SH3BGRL: variants seen among roughly 807,000 people sequenced by gnomAD.
The protein encoded by SH3BGRL is adapter SH3BGRL.
Under a neutral mutation model 9.8 loss-of-function variants are expected in SH3BGRL, and 7 were observed. The ratio of observed to expected loss-of-function variants is 0.72; its 90% CI spans 0.41 to 1.35. SH3BGRL has a LOEUF of 1.35. Among genes scored for constraint, SH3BGRL ranks in the 40% most tolerant of loss-of-function variants. SH3BGRL has a pLI of 0.01. For synonymous variants in SH3BGRL, 36 were observed against 29.1 expected (o/e 1.24, Z -0.76); for missense variants, 73 against 84.4 (o/e 0.86, Z 0.53).
At chrX:81,266,379 A>T (rs1369513348) in intron 1 of SH3BGRL, among the ~76,000 whole-genome samples, 1 of 111,667 alleles carries the variant, frequency 9.0e-6, no homozygotes, top group Non-Finnish European at 1.9e-5. Flanking sequence ...TTTTGTATAC[A>T]GTGTAAGGAA....
chrX:81,296,961 C>T (rs1482421444), intron 3 of SH3BGRL, among the ~76,000 whole-genome samples: 1 of 111,495 alleles, frequency 9.0e-6, no homozygotes, highest in Non-Finnish European at 1.9e-5. Flanking sequence ...ATATCACTTG[C>T]TTTCATGAAA....
At chrX:81,212,677 A>G (rs1285395989) in intron 1 of SH3BGRL, among the ~76,000 whole-genome samples, 1 of 111,301 alleles carries the variant, frequency 9.0e-6, no homozygotes, top group East Asian at 2.8e-4. Context: ...TGCATATCTC[A>G]CTTGGGATTT....
At chrX:81,259,344 CTA>C (rs2075734367) in intron 1 of SH3BGRL, among the ~76,000 whole-genome samples, 1 of 112,003 alleles carries the variant, frequency 8.9e-6, no homozygotes, top group Non-Finnish European at 1.9e-5. Flanking sequence ...ATCTTACAGA[CTA>C]TAAAATAATC....
At chrX:81,284,101 C>T (rs903783316) in intron 3 of SH3BGRL, among the ~76,000 whole-genome samples, 1 of 109,372 alleles carries the variant, frequency 9.1e-6, no homozygotes, top group Non-Finnish European at 1.9e-5. Context: ...TAGGAATATA[C>T]CTAACCAAGG....
chrX:81,212,702 C>T (rs2075569072), intron 1 of SH3BGRL, among the ~76,000 whole-genome samples: 2 of 111,262 alleles, frequency 1.8e-5, no homozygotes, highest in Admixed American at 9.6e-5. Flanking sequence ...TGACTCAACC[C>T]ATGAGTTGAA....
intron 1 of SH3BGRL, among the ~76,000 whole-genome samples, chrX:81,213,676 A>G (rs2075572646): frequency 8.9e-6 from 1 of 112,102 alleles, no homozygotes; most frequent in African/African-American, 3.2e-5. Context: ...CTACTGTAGA[A>G]TAGTACTATT....
At chrX:81,204,301 C>T (rs906413678) in intron 1 of SH3BGRL, among the ~76,000 whole-genome samples, 3 of 111,891 alleles carry the variant, frequency 2.7e-5, no homozygotes, top group African/African-American at 9.8e-5. Context: ...AATACCAAAA[C>T]AGTGTAAAGT....
chrX:81,239,801 G>C (rs1426497763), intron 1 of SH3BGRL, among the ~76,000 whole-genome samples: 1 of 112,225 alleles, frequency 8.9e-6, no homozygotes, highest in Non-Finnish European at 1.9e-5. Flanking sequence ...ATACAATGGA[G>C]CTCCAATGCA....
chrX:81,286,970 A>T (rs1163399738), intron 3 of SH3BGRL, among the ~76,000 whole-genome samples: 1 of 111,702 alleles, frequency 9.0e-6, no homozygotes, highest in Non-Finnish European at 1.9e-5. Flanking sequence ...GACAAATTAT[A>T]AAGAATTTTG....
intron 1 of SH3BGRL, among the ~76,000 whole-genome samples, chrX:81,244,029 CAT>C (rs1056904650): frequency 1.8e-5 from 2 of 112,003 alleles, no homozygotes; most frequent in African/African-American, 6.5e-5. Context: ...AAGCTTACCA[CAT>C]GTCAGATGTT....
chrX:81,245,826 T>C (rs768436165), intron 1 of SH3BGRL, among the ~76,000 whole-genome samples: 5 of 112,067 alleles, frequency 4.5e-5, no homozygotes, highest in Non-Finnish European at 9.4e-5. Context: ...AATGATTTTC[T>C]TTTGGATATA....
chrX:81,211,369 A>T (rs2075562747), intron 1 of SH3BGRL, among the ~76,000 whole-genome samples: 1 of 111,501 alleles, frequency 9.0e-6, no homozygotes, highest in African/African-American at 3.3e-5. Context: ...GCGGATCACG[A>T]GGTCAGGAGA....
rs59532432 is a variant in SH3BGRL at position 81,232,518 on chromosome X, T to C, written c.45+30273T>C. On this transcript the variant is annotated intron_variant, in intron 1 of 3. Transcript: ENST00000373212. ...TGAATAGCAAGATTTTACTACTTAG[T>C]TGATGCTCTCCCAGAATTGTTTTTG... Among the ~76,000 whole-genome samples the C allele has an allele frequency of 8.5e-3, 942 of 110,880 alleles. 9 individuals carry two copies. Among genetic ancestry groups the C allele is most frequent in the African/African-American group, 0.028 (868 of 30,577 alleles).
chrX:81,214,235 G>C, intron 1 of SH3BGRL, among the ~76,000 whole-genome samples: 1 of 111,471 alleles, frequency 9.0e-6, no homozygotes, highest in Non-Finnish European at 1.9e-5. Flanking sequence ...AATGATTAGT[G>C]ACCTTGGAGA....
chrX:81,252,809 T>G (rs1373609678), intron 1 of SH3BGRL, among the ~76,000 whole-genome samples: 1 of 112,075 alleles, frequency 8.9e-6, no homozygotes, highest in Non-Finnish European at 1.9e-5. Flanking sequence ...AGTTCAGCAT[T>G]TTTAAAAATC....
intron 1 of SH3BGRL, among the ~76,000 whole-genome samples, chrX:81,216,491 T>G (rs1484275263): frequency 1.8e-5 from 2 of 111,108 alleles, no homozygotes; most frequent in Non-Finnish European, 3.8e-5. Flanking sequence ...AAATTATTGT[T>G]GACCATAGTC....
At chrX:81,289,036 C>G (rs980421089) in intron 3 of SH3BGRL, among the ~76,000 whole-genome samples, 1 of 112,047 alleles carries the variant, frequency 8.9e-6, no homozygotes, top group African/African-American at 3.2e-5. Context: ...TAATACAGAG[C>G]TATACTAATC....
intron 1 of SH3BGRL, among the ~76,000 whole-genome samples, chrX:81,271,890 T>C (rs1200655534): frequency 9.0e-6 from 1 of 111,013 alleles, no homozygotes. Context: ...AACCCTGAAA[T>C]TGAGCAAGAA....
chrX:81,287,783 C>T (rs1364148272), intron 3 of SH3BGRL, among the ~76,000 whole-genome samples: 5 of 109,981 alleles, frequency 4.5e-5, no homozygotes, highest in African/African-American at 1.7e-4. Context: ...CACATGCAAC[C>T]CAGAACTTAA....
Sources: gnomAD v4.1 joint callset for allele counts (sites outside exome capture counted in the v4.1 genomes callset) on GRCh38, gnomAD v4.1.1 for gene constraint, MANE v1.5 for transcripts, NCBI Gene and HGNC (gene_info 2026-07-23, HGNC 2026-07-21) for gene names.